Variants in PMS2 observed in about 807,000 individuals in gnomAD.
PMS2 encodes PMS1 homolog 2, mismatch repair system component.
Under a neutral mutation model 90.0 loss-of-function variants are expected in PMS2, and 69 were observed. The observed-to-expected ratio is 0.77, with a 90% CI of 0.63 to 0.94. The LOEUF is 0.94. Ranked by LOEUF, PMS2 falls within the 40% of genes least tolerant of loss-of-function variation. The probability of loss-of-function intolerance (pLI) is 0.00; values close to 1 mark genes in which losing one functional copy is unlikely to be tolerated. For missense variants in PMS2, 966 were observed against 1,040.2 expected (o/e 0.93, Z 0.98); for synonymous variants, 332 against 375.1 (o/e 0.89, Z 1.33).
Position 5,997,430 on chromosome 7 carries a change from A to G in PMS2, c.706-7T>C, listed in dbSNP as rs1459714978. ...AAGGAATGAGGCTTTGCAACTGAAA[A>G]AAAAAAAAAAAAATTCACAGTTACT... On this transcript the variant is annotated splice_region_variant and splice_polypyrimidine_tract_variant and intron_variant, in intron 6 of 14. Coordinates refer to ENST00000265849, the MANE Select transcript of PMS2 (RefSeq NM_000535.7). 2 of 1,432,932 alleles carry G rather than the reference A, an allele frequency of 1.4e-6. No individual in the cohort carries two copies. Among genetic ancestry groups the G allele is most frequent in the Non-Finnish European group, 1.9e-6 (2 of 1,032,506 alleles). The allele number at this position is 1,432,932 out of a possible 1,614,324, so 88.8% of individuals were successfully genotyped here.
chr7:5,987,830 G>T (rs895364747), intron 10 of PMS2, among the ~76,000 whole-genome samples: 4 of 152,000 alleles, frequency 2.6e-5, no homozygotes, highest in African/African-American at 7.2e-5. Context: ...CAAGGCAGGG[G>T]GATCACATGA....
intron 5 of PMS2, chr7:6,002,227 G>T (rs574557890): frequency 2.8e-5 from 13 of 469,636 alleles, no homozygotes; most frequent in African/African-American, 2.2e-4. Context: ...TAGAGACAGG[G>T]TCTCACTGTG....
intron 2 of PMS2, among the ~76,000 whole-genome samples, chr7:6,004,898 AT>A (rs1785546554): frequency 1.3e-5 from 2 of 151,772 alleles, no homozygotes; most frequent in South Asian, 2.1e-4. Flanking sequence ...GGTTTTTTTT[AT>A]TTTATTATTC....
chr7:5,997,190 G>C (rs906367016), intron 7 of PMS2, 136 bp downstream of exon 7: 3 of 654,158 alleles, frequency 4.6e-6, no homozygotes, highest in Admixed American at 5.2e-5. Flanking sequence ...CTCCAGCCTG[G>C]GCAACAAAGC....
In PMS2 at chr7:5,973,495, G is replaced by T; in HGVS notation, c.2493C>A (p.Ile831=). The change falls in exon 15 of 15, where the codon ATC becomes ATA. Residue 831 remains isoleucine (I), a synonymous_variant. Coordinates refer to ENST00000265849, the MANE Select transcript of PMS2 (RefSeq NM_000535.7). ...GGTGGTCCATCTCCCCCATGTGGGT[G>T]ATCAGTTTCTTCATCTCGCTTGTGT... ...ALNTSEMKKL[I]THMGEMDHPW... 1.5e-6 allele frequency: 1 copy of T among 658,210 alleles called. No homozygotes were observed. The highest frequency in any genetic ancestry group is 2.5e-6 in the Non-Finnish European group (1 of 392,430). 40.8% of individuals were successfully genotyped at this position (658,210 alleles called of 1,614,324 possible). A position where few individuals can be genotyped will look rare whatever the true frequency, so the allele number is the denominator to read the frequency against.
chr7:5,998,857 G>GGC (rs1583384029), intron 6 of PMS2, among the ~76,000 whole-genome samples: 1 of 151,936 alleles, frequency 6.6e-6, no homozygotes, highest in East Asian at 1.9e-4. Flanking sequence ...CTGGCGTAGT[G>GGC]GAGCATGCTT....
At chr7:5,981,297 A>G (rs1218307891) in intron 12 of PMS2, among the ~76,000 whole-genome samples, 1 of 149,238 alleles carries the variant, frequency 6.7e-6, no homozygotes, top group African/African-American at 2.5e-5. Context: ...CCCAGGCTGG[A>G]GAGCTGTGCA....
intron 6 of PMS2, among the ~76,000 whole-genome samples, chr7:5,998,763 T>C (rs6974270): frequency 0.16 from 23,327 of 150,320 alleles, 1,977 homozygotes; most frequent in African/African-American, 0.2. Context: ...AGGCCGAGGC[T>C]GGTGGATCAC....
At chr7:5,993,852 G>C (rs1349324763) in intron 8 of PMS2, among the ~76,000 whole-genome samples, 7 of 94,684 alleles carry the variant, frequency 7.4e-5, no homozygotes, top group Non-Finnish European at 1.3e-4. Flanking sequence ...GACAGAGCGA[G>C]ACTCTGTCTC....
chr7:5,983,050 T>C lies in PMS2; in HGVS notation c.2007-59A>G, dbSNP rs1352610919. ...TACAAGATTATTTTTCTGATTATGT[T>C]ATAGAACACTGTAATAAAAAAAAAG... On this transcript the variant is annotated intron_variant, in intron 11 of 14. Coordinates refer to ENST00000265849, the MANE Select transcript of PMS2 (RefSeq NM_000535.7). The C allele has an allele frequency of 1.1e-4, 166 of 1,548,348 alleles. 1 individual carries two copies. In the South Asian group the frequency reaches 1.6e-3, roughly 15 times the overall value.
intron 5 of PMS2, 92 bp from the exon 6 acceptor site, chr7:5,999,367 A>C: frequency 1.9e-5 from 20 of 1,062,532 alleles, no homozygotes; most frequent in Non-Finnish European, 2.9e-5. Flanking sequence ...CAAGGTTCTC[A>C]CATCATCGCA....
At chr7:5,982,377 G>T (rs1319583633) in intron 12 of PMS2, among the ~76,000 whole-genome samples, 1 of 152,156 alleles carries the variant, frequency 6.6e-6, no homozygotes, top group Admixed American at 6.5e-5. Flanking sequence ...GGCTAATTTT[G>T]TATTTTTAGT....
chr7:5,989,997 CTTTTA>C lies in PMS2; in HGVS notation c.989-47_989-43del, dbSNP rs769940892. Reference sequence around the variant, plus strand: ...AACATATTTATTATGTTTAAATTCACTTTTATTTTATTTATTAATTATTATTTTCA... The same window carrying C: ...AACATATTTATTATGTTTAAATTCACTTTTATTTATTAATTATTATTTTCA... On this transcript the variant is annotated intron_variant, in intron 9 of 14. Coordinates refer to ENST00000265849, the MANE Select transcript of PMS2 (RefSeq NM_000535.7). The C allele has an allele frequency of 2.0e-5, 26 of 1,284,568 alleles. No individual in the cohort carries two copies. The East Asian group carries it at 3.1e-4, about 15-fold the overall frequency. The allele number at this position is 1,284,568 out of a possible 1,614,324, so 79.6% of individuals were successfully genotyped here.
chr7:5,986,018 T>C (rs1210539177), intron 11 of PMS2, among the ~76,000 whole-genome samples: 8 of 127,808 alleles, frequency 6.3e-5, no homozygotes, highest in Non-Finnish European at 1.4e-4. Flanking sequence ...CCCAGAAGCA[T>C]CCCAGATGCC....
At chr7:5,996,730 C>T (rs1247207672) in intron 7 of PMS2, among the ~76,000 whole-genome samples, 2 of 151,582 alleles carry the variant, frequency 1.3e-5, no homozygotes, top group Non-Finnish European at 2.9e-5. Flanking sequence ...AAGTCAAAAT[C>T]ATTTAAAATG....
At position 5,982,783 on chromosome 7, in the gene PMS2, A is replaced by G. The variant is rs772863368; in HGVS notation, c.2174+41T>C. On this transcript the variant is annotated intron_variant, in intron 12 of 14. Coordinates refer to ENST00000265849, the MANE Select transcript of PMS2 (RefSeq NM_000535.7). ...TGCCTTGGCCTCTATTAGATCTTCA[A>G]TTTGAGGGGGAGTCTGGGAATGAAC... 16 of 1,610,314 alleles carry G rather than the reference A, an allele frequency of 9.9e-6. No homozygotes were observed. The African/African-American group carries it at 1.1e-4, about 11-fold the overall frequency.
rs565671753 is a variant in PMS2 at position 5,989,072 on chromosome 7, G to C, written c.1144+728C>G. On this transcript the variant is annotated intron_variant, in intron 10 of 14. Coordinates refer to ENST00000265849, the MANE Select transcript of PMS2 (RefSeq NM_000535.7). ...GAGTTTCACCGTGTTAGATAGTCTC[G>C]ATCTCCTGACCTCGTGAGCCGCCCG... Among the ~76,000 whole-genome samples, 5 of 152,074 alleles carry C rather than the reference G, an allele frequency of 3.3e-5. No homozygotes were observed. The South Asian group carries it at 1.0e-3, about 31-fold the overall frequency.
chr7:6,008,549 A>G (rs1387129975), intron 1 of PMS2, among the ~76,000 whole-genome samples: 1 of 152,148 alleles, frequency 6.6e-6, no homozygotes, highest in Non-Finnish European at 1.5e-5. Context: ...CAGGCGTTCG[A>G]GACCAGCCTG....
intron 1 of PMS2, among the ~76,000 whole-genome samples, chr7:6,008,067 C>G (rs1445284490): frequency 1.3e-5 from 2 of 152,014 alleles, no homozygotes; most frequent in African/African-American, 4.8e-5. Flanking sequence ...CCATGTTGGC[C>G]AGGCTGGTCA....
Sources: allele counts gnomAD v4.1 joint callset (sites outside exome capture counted in the v4.1 genomes callset), GRCh38; gene constraint gnomAD v4.1.1; transcripts MANE v1.5; gene names NCBI Gene and HGNC (gene_info 2026-07-23, HGNC 2026-07-21).